The following ITGB6 variants were observed in gnomAD, a reference collection of about 807,000 sequenced individuals.
The protein encoded by ITGB6 is integrin beta-6.
A neutral mutation model predicts 84.5 loss-of-function variants in ITGB6; 80 were observed. That is an observed-to-expected ratio of 0.95 (90% CI 0.79 to 1.14). The LOEUF is 1.14. Ranked by LOEUF, ITGB6 falls within the 50% of genes most tolerant of loss-of-function variation. The pLI is 0.00. For missense variants in ITGB6, 1,006 were observed against 968.0 expected (o/e 1.04, Z -0.52); for synonymous variants, 383 against 354.9 (o/e 1.08, Z -0.89).
At chr2:160,188,713 C>G (rs1463235269) in intron 4 of ITGB6, among the ~76,000 whole-genome samples, 1 of 151,948 alleles carries the variant, frequency 6.6e-6, no homozygotes, top group Non-Finnish European at 1.5e-5. Flanking sequence ...AAGTGATTCT[C>G]CTGCCTCAGC....
At position 160,120,685 on chromosome 2, in the gene ITGB6, A is replaced by G. The variant is rs1420503655; in HGVS notation, c.1981+3106T>C. ...AGTATAATTAAAAAAAAAAAAAAAA[A>G]AAAAAGAAAATGTGGCACACATACA... On this transcript the variant is annotated intron_variant, in intron 12 of 14. Coordinates refer to ENST00000283249, the MANE Select transcript of ITGB6 (RefSeq NM_000888.5). Among the ~76,000 whole-genome samples, 16 of 43,418 alleles carry G rather than the reference A, an allele frequency of 3.7e-4. 7 individuals carry two copies. Among genetic ancestry groups the G allele is most frequent in the Non-Finnish European group, 7.1e-4 (14 of 19,712 alleles). The allele number at this position is 43,418 out of a possible 152,430, so 28.5% of individuals were successfully genotyped here.
chr2:160,170,631 G>A (rs186937295), intron 6 of ITGB6, among the ~76,000 whole-genome samples: 47 of 152,270 alleles, frequency 3.1e-4, no homozygotes, highest in African/African-American at 1.1e-3. Flanking sequence ...CATACTGTAA[G>A]TTCAAGGCCA....
At chr2:160,168,442 C>T (rs1685086431) in intron 7 of ITGB6, among the ~76,000 whole-genome samples, 1 of 152,188 alleles carries the variant, frequency 6.6e-6, no homozygotes, top group Non-Finnish European at 1.5e-5. Context: ...TATTTAATTT[C>T]TCTGCATTAT....
At chr2:160,104,011 T>C (rs1298064936) in intron 14 of ITGB6, among the ~76,000 whole-genome samples, 1 of 152,216 alleles carries the variant, frequency 6.6e-6, no homozygotes, top group Non-Finnish European at 1.5e-5. Context: ...CAATGTTATT[T>C]AGTAGATATT....
intron 14 of ITGB6, among the ~76,000 whole-genome samples, chr2:160,105,500 C>T (rs911979946): frequency 2.4e-4 from 36 of 152,172 alleles, no homozygotes; most frequent in Admixed American, 2.4e-3. Flanking sequence ...TTGTGGAACA[C>T]CTGCTTATTA....
chr2:160,189,442 G>T (rs540702166), intron 4 of ITGB6, among the ~76,000 whole-genome samples: 2 of 151,946 alleles, frequency 1.3e-5, no homozygotes, highest in African/African-American at 4.8e-5. Context: ...GAAAATTTTC[G>T]CAACCTACTC....
chr2:160,187,771 T>C (rs541812299), intron 4 of ITGB6, among the ~76,000 whole-genome samples: 182 of 152,330 alleles, frequency 1.2e-3, no homozygotes, highest in Non-Finnish European at 1.8e-3. Context: ...TTTATTATTA[T>C]AGTTATTAAA....
At chr2:160,127,823 T>C (rs960693303) in intron 10 of ITGB6, among the ~76,000 whole-genome samples, 16 of 152,214 alleles carry the variant, frequency 1.1e-4, no homozygotes, top group Non-Finnish European at 2.4e-4. Flanking sequence ...TTAGTTAAGA[T>C]GCCATATGAT....
rs997407613 is a variant in ITGB6 at position 160,165,615 on chromosome 2, T to C, written c.1017+3597A>G. 2.6e-5 allele frequency among the ~76,000 whole-genome samples: 4 copies of C among 152,218 alleles called. No individual in the cohort carries two copies. In the East Asian group the frequency reaches 7.7e-4, roughly 29 times the overall value. On this transcript the variant is annotated intron_variant, in intron 7 of 14. Coordinates refer to ENST00000283249, the MANE Select transcript of ITGB6 (RefSeq NM_000888.5). Reference sequence around the variant, plus strand: ...TTATTGATTCCTGAAAAATGGAAACTTACGTATGGTGGATAATTTCCACAA... The same window carrying C: ...TTATTGATTCCTGAAAAATGGAAACCTACGTATGGTGGATAATTTCCACAA...
intron 4 of ITGB6, among the ~76,000 whole-genome samples, chr2:160,191,233 CT>C (rs1331130386): frequency 1.3e-5 from 2 of 152,108 alleles, no homozygotes; most frequent in East Asian, 3.8e-4. Flanking sequence ...CTTTATAACT[CT>C]TTATAGAAAT....
chr2:160,174,942 C>G (rs999689983), intron 4 of ITGB6, among the ~76,000 whole-genome samples: 1 of 152,214 alleles, frequency 6.6e-6, no homozygotes, highest in African/African-American at 2.4e-5. Context: ...GTTAGAAATG[C>G]AAAATCTGAA....
intron 1 of ITGB6, 39 bp downstream of exon 1, chr2:160,199,964 A>C: frequency 6.7e-7 from 1 of 1,498,046 alleles, no homozygotes; most frequent in Non-Finnish European, 9.3e-7. Context: ...TTTGTCAAGC[A>C]TACCACGAAA....
chr2:160,187,444 C>G (rs1024838417), intron 4 of ITGB6, among the ~76,000 whole-genome samples: 4 of 152,052 alleles, frequency 2.6e-5, no homozygotes, highest in African/African-American at 9.7e-5. Context: ...CACCTGTTAT[C>G]TAGTTTGAAG....
At chr2:160,112,627 C>T (rs1450444725) in intron 12 of ITGB6, among the ~76,000 whole-genome samples, 1 of 152,100 alleles carries the variant, frequency 6.6e-6, no homozygotes, top group Non-Finnish European at 1.5e-5. Context: ...GGGCCTTTCT[C>T]ACAACGACAT....
intron 6 of ITGB6, among the ~76,000 whole-genome samples, chr2:160,171,324 A>AAACT (rs1685189878): frequency 6.8e-6 from 1 of 146,792 alleles, no homozygotes; most frequent in Non-Finnish European, 1.5e-5. Context: ...TCAGAAATCA[A>AAACT]ATTTATTTTT....
chr2:160,158,498 TCTC>T (rs1684707155), intron 7 of ITGB6, among the ~76,000 whole-genome samples: 1 of 152,190 alleles, frequency 6.6e-6, no homozygotes, highest in South Asian at 2.1e-4. Context: ...CTTCAGATCT[TCTC>T]TTAATAAGAT....
chr2:160,167,588 A>G (rs1362199731), intron 7 of ITGB6, among the ~76,000 whole-genome samples: 1 of 152,186 alleles, frequency 6.6e-6, no homozygotes, highest in Non-Finnish European at 1.5e-5. Flanking sequence ...CTGCTGTTAC[A>G]TTAGAGGCAG....
At chr2:160,154,907 A>C (rs754153057) in intron 7 of ITGB6, among the ~76,000 whole-genome samples, 2 of 152,150 alleles carry the variant, frequency 1.3e-5, no homozygotes, top group Non-Finnish European at 2.9e-5. Context: ...TGTAATCCCC[A>C]ATGTTGGAGA....
chr2:160,121,359 C>G (rs185036229), intron 12 of ITGB6, among the ~76,000 whole-genome samples: 128 of 152,282 alleles, frequency 8.4e-4, no homozygotes, highest in Admixed American at 2.6e-3. Context: ...AAACAAGAAA[C>G]CTAGTTTCCT....
Sources: gnomAD v4.1 joint callset for allele counts (sites outside exome capture counted in the v4.1 genomes callset) on GRCh38, gnomAD v4.1.1 for gene constraint, MANE v1.5 for transcripts, NCBI Gene and HGNC (gene_info 2026-07-23, HGNC 2026-07-21) for gene names.